Variants in EFHD2 observed in about 807,000 individuals in gnomAD.
EFHD2 encodes EF-hand domain-containing protein D2.
In EFHD2, 12 loss-of-function variants were observed where a neutral mutation model predicts 20.3. That is an observed-to-expected ratio of 0.59 (90% confidence interval 0.38 to 0.96). EFHD2 has a LOEUF of 0.96. EFHD2 is among the 40% of genes least tolerant of loss of function. The pLI is 0.00. For missense variants in EFHD2, 250 were observed against 334.3 expected (o/e 0.75, Z 1.97); for synonymous variants, 131 against 143.9 (o/e 0.91, Z 0.64).
At position 15,428,581 on chromosome 1, in the gene EFHD2, A is replaced by G; in HGVS notation, c.592-12A>G. On this transcript the variant is annotated splice_polypyrimidine_tract_variant and intron_variant, in intron 3 of 3. Transcript: ENST00000375980. ...ATCCAGCCCTGACCCCCTCACCCCC[A>G]TGCCCCCGCAGGTCCAGGCCATCAA... 1 of 1,609,646 alleles carries G rather than the reference A, an allele frequency of 6.2e-7. No homozygotes were observed. The highest frequency in any genetic ancestry group is 8.5e-7 in the Non-Finnish European group (1 of 1,178,164).
chr1:15,420,317 T>A (rs1171967682), intron 1 of EFHD2, among the ~76,000 whole-genome samples: 1 of 152,192 alleles, frequency 6.6e-6, no homozygotes. Context: ...ATTTTATATC[T>A]GTCAGCTCAT....
chr1:15,428,354 G>A (rs768694379), intron 3 of EFHD2, among the ~76,000 whole-genome samples: 2 of 152,098 alleles, frequency 1.3e-5, no homozygotes, highest in African/African-American at 2.4e-5. Context: ...AAAATTAGCC[G>A]GGCATGGTGG....
intron 1 of EFHD2, among the ~76,000 whole-genome samples, chr1:15,417,366 A>T (rs1707690733): frequency 6.6e-6 from 1 of 152,254 alleles, no homozygotes; most frequent in South Asian, 2.1e-4. Flanking sequence ...CTATCATAAC[A>T]ATAATGACTA....
intron 1 of EFHD2, among the ~76,000 whole-genome samples, chr1:15,425,152 A>G (rs1385968758): frequency 6.6e-6 from 1 of 152,082 alleles, no homozygotes; most frequent in Non-Finnish European, 1.5e-5. Flanking sequence ...GCCCATGGAG[A>G]TGCCAGTAAG....
intron 1 of EFHD2, among the ~76,000 whole-genome samples, chr1:15,419,665 G>A (rs79443248): frequency 6.6e-6 from 1 of 152,182 alleles, no homozygotes. Flanking sequence ...AGGCTATCTG[G>A]GTGGATCTTG....
rs1049020706 is a variant in EFHD2, at chr1:15,414,552, C to T, written c.308+4273C>T. The stretch of plus-strand genomic sequence containing the variant: ...TTACTAAATGACTGTCACCGCCATC[C>T]CCAGCTCAGCATACACCCTCTCCTG... On this transcript the variant is annotated intron_variant, in intron 1 of 3. Transcript: ENST00000375980. 4.6e-5 allele frequency among the ~76,000 whole-genome samples: 7 copies of T among 152,264 alleles called. No individual in the cohort carries two copies. The South Asian group carries it at 1.4e-3, about 31-fold the overall frequency.
chr1:15,423,438 C>T (rs1448410856), intron 1 of EFHD2, among the ~76,000 whole-genome samples: 4 of 152,172 alleles, frequency 2.6e-5, no homozygotes, highest in African/African-American at 9.7e-5. Context: ...CCTTGTGCTC[C>T]AGGCAGCCGT....
intron 1 of EFHD2, among the ~76,000 whole-genome samples, chr1:15,419,238 G>A (rs953586016): frequency 3.3e-5 from 5 of 152,198 alleles, no homozygotes; most frequent in African/African-American, 1.2e-4. Flanking sequence ...TTTCGAGAGG[G>A]GGATGGATGG....
At chr1:15,418,735 A>G (rs989464047) in intron 1 of EFHD2, among the ~76,000 whole-genome samples, 5 of 152,248 alleles carry the variant, frequency 3.3e-5, no homozygotes, top group African/African-American at 1.2e-4. Flanking sequence ...GAACGACTGA[A>G]TAAGATGGCC....
Position 15,414,141 on chromosome 1 carries a change from G to A in EFHD2, c.308+3862G>A, listed in dbSNP as rs558300327. 1.2e-4 allele frequency among the ~76,000 whole-genome samples: 18 copies of A among 152,346 alleles called. 1 individual carries two copies. The South Asian group carries it at 3.5e-3, about 30-fold the overall frequency. The stretch of plus-strand genomic sequence containing the variant: ...TGAACCTGCCGTGGAATCTGAGGAC[G>A]ATGCCCTAGATCCCTGTCTCCCGCC... On this transcript the variant is annotated intron_variant, in intron 1 of 3. Coordinates refer to ENST00000375980, the MANE Select transcript of EFHD2 (RefSeq NM_024329.6).
intron 1 of EFHD2, among the ~76,000 whole-genome samples, chr1:15,411,362 G>A (rs960481803): frequency 6.6e-6 from 1 of 152,030 alleles, no homozygotes; most frequent in African/African-American, 2.4e-5. Context: ...CCCCAGGCGT[G>A]TGGGCTCATC....
At chr1:15,418,848 GAGCCC>G (rs34539728) in intron 1 of EFHD2, among the ~76,000 whole-genome samples, 43,857 of 152,038 alleles carry the variant, frequency 0.29, 6,552 homozygotes, top group African/African-American at 0.37. Context: ...GCCTGGTTCA[GAGCCC>G]AGCGACACCC....
At chr1:15,415,625 A>G (rs929617326) in intron 1 of EFHD2, among the ~76,000 whole-genome samples, 13 of 151,688 alleles carry the variant, frequency 8.6e-5, no homozygotes, top group African/African-American at 2.9e-4. Context: ...AGTAGCTGGG[A>G]CTACAAGCAC....
chr1:15,419,627 T>TC (rs1303620598), intron 1 of EFHD2, among the ~76,000 whole-genome samples: 1 of 152,164 alleles, frequency 6.6e-6, no homozygotes, highest in African/African-American at 2.4e-5. Flanking sequence ...GGCCCCAGTT[T>TC]CCCTACATAA....
At chr1:15,428,556 A>G (rs996510668) in intron 3 of EFHD2, 37 bp from the exon 4 acceptor site, 1 of 1,603,500 alleles carries the variant, frequency 6.2e-7, no homozygotes, top group African/African-American at 1.3e-5. Flanking sequence ...AACATACACC[A>G]TCCAGCCCTG....
chr1:15,425,880 C>T lies in EFHD2; in HGVS notation c.318C>T (p.Ala106=), dbSNP rs757570009. ...DMEKMFKQYD[A]GRDGFIDLME... ...CTTTTTGCATCTGCAGGTATGATGC[C>T]GGGCGGGACGGCTTCATCGACCTGA... Residue 106 remains alanine (A), a synonymous_variant, in exon 2 of 4, where the codon GCC becomes GCT. Transcript: ENST00000375980. The T allele has an allele frequency of 1.9e-5, 31 of 1,605,478 alleles. No homozygotes were observed. In the East Asian group the frequency reaches 2.7e-4, roughly 14 times the overall value.
chr1:15,423,504 T>C (rs1490747678), intron 1 of EFHD2, among the ~76,000 whole-genome samples: 1 of 152,086 alleles, frequency 6.6e-6, no homozygotes, highest in African/African-American at 2.4e-5. Flanking sequence ...ACAGAGCAAA[T>C]GTGCAAGTTT....
chr1:15,417,981 C>CTTTTTTTTTTTTTT (rs57589251), intron 1 of EFHD2, among the ~76,000 whole-genome samples: 2 of 97,090 alleles, frequency 2.1e-5, no homozygotes, highest in Non-Finnish European at 4.1e-5. Flanking sequence ...CTTTCTTTTT[C>CTTTTTTTTTTTTTT]TTTTTTTTTT....
chr1:15,417,340 A>G (rs934150491), intron 1 of EFHD2, among the ~76,000 whole-genome samples: 1 of 152,222 alleles, frequency 6.6e-6, no homozygotes, highest in Non-Finnish European at 1.5e-5. Context: ...CATTCAATAA[A>G]TATTCTTTAT....
Sources: gnomAD v4.1 joint callset for allele counts (sites outside exome capture counted in the v4.1 genomes callset) on GRCh38, gnomAD v4.1.1 for gene constraint, MANE v1.5 for transcripts, NCBI Gene and HGNC (gene_info 2026-07-23, HGNC 2026-07-21) for gene names.